Variants in AGL observed in about 807,000 individuals in gnomAD.
The protein encoded by AGL is glycogen debranching enzyme.
Under a neutral mutation model 199.3 loss-of-function variants are expected in AGL, and 128 were observed. That is an observed-to-expected ratio of 0.64 (90% CI 0.56 to 0.74). The LOEUF (loss-of-function observed/expected upper bound fraction) is 0.74, where lower values mean the gene tolerates loss of function less well. AGL is among the 30% of genes least tolerant of loss of function. AGL has a pLI of 0.00. For missense variants in AGL, 1,809 were observed against 1,820.8 expected, an observed-to-expected ratio of 0.99 and a Z score of 0.12; for synonymous variants, 584 against 594.7, an observed-to-expected ratio of 0.98 and a Z score of 0.26.
Position 99,921,591 on chromosome 1 carries a change from C to T in AGL, c.4539C>T (p.Phe1513=), listed in dbSNP as rs752519483. The T allele has an allele frequency of 4.3e-6, 7 of 1,613,022 alleles. No individual in the cohort carries two copies. The highest frequency in any genetic ancestry group is 2.2e-5 in the East Asian group (1 of 44,778). Residue 1513 remains phenylalanine, a synonymous_variant, in exon 34 of 34, where the codon TTC becomes TTT. Coordinates refer to ENST00000361915, the MANE Select transcript of AGL (RefSeq NM_000642.3). ...LTNENAQYCP[F]SCETQAWSIA... is the part of the protein sequence containing the mutation. Reference sequence around the variant, plus strand: ...ATGAGAATGCCCAGTACTGTCCTTTCAGCTGTGAAACACAAGCCTGGTCAA... The same window carrying T: ...ATGAGAATGCCCAGTACTGTCCTTTTAGCTGTGAAACACAAGCCTGGTCAA...
intron 2 of AGL, among the ~76,000 whole-genome samples, chr1:99,859,515 G>A (rs150113354): frequency 0.015 from 2,298 of 151,480 alleles, 34 homozygotes; most frequent in Middle Eastern, 0.088. Context: ...ACATAAATGT[G>A]TACAATGTAA....
intron 7 of AGL, among the ~76,000 whole-genome samples, chr1:99,871,410 G>GCC (rs5776495): frequency 9.9e-5 from 14 of 141,964 alleles, no homozygotes; most frequent in East Asian, 4.5e-4. Flanking sequence ...CAGTTAATGT[G>GCC]CCCCCCCCCC....
chr1:99,875,590 T>C (rs939578743), intron 10 of AGL, 135 bp downstream of exon 10: 2 of 812,322 alleles, frequency 2.5e-6, no homozygotes, highest in Non-Finnish European at 4.0e-6. Context: ...AGTTTTGATT[T>C]GGACATAGGC....
At chr1:99,910,414 T>C (rs1385815583) in intron 27 of AGL, among the ~76,000 whole-genome samples, 1 of 152,188 alleles carries the variant, frequency 6.6e-6, no homozygotes, top group Non-Finnish European at 1.5e-5. Flanking sequence ...TGAGCAGTTA[T>C]TTTTTGTGAA....
At chr1:99,894,543 C>T (rs1653156253) in intron 24 of AGL, among the ~76,000 whole-genome samples, 1 of 152,024 alleles carries the variant, frequency 6.6e-6, no homozygotes, top group Non-Finnish European at 1.5e-5. Context: ...ATATATAAAC[C>T]ATATTAATCA....
intron 5 of AGL, among the ~76,000 whole-genome samples, chr1:99,865,716 A>T (rs1040286483): frequency 3.3e-5 from 5 of 152,260 alleles, no homozygotes; most frequent in African/African-American, 1.2e-4. Flanking sequence ...TCTAGTTGGT[A>T]CAAACATTTA....
At chr1:99,882,337 A>G (rs899180369) in intron 17 of AGL, among the ~76,000 whole-genome samples, 3 of 152,002 alleles carry the variant, frequency 2.0e-5, no homozygotes, top group Admixed American at 1.3e-4. Flanking sequence ...GTGTTAGTGT[A>G]TATGTATATA....
At chr1:99,866,228 G>A (rs1217599394) in intron 5 of AGL, among the ~76,000 whole-genome samples, 6 of 152,190 alleles carry the variant, frequency 3.9e-5, no homozygotes, top group Non-Finnish European at 8.8e-5. Context: ...GTTATAAATT[G>A]TATGAGTTAG....
intron 33 of AGL, among the ~76,000 whole-genome samples, chr1:99,917,734 A>G (rs1387586741): frequency 6.6e-6 from 1 of 152,136 alleles, no homozygotes; most frequent in Non-Finnish European, 1.5e-5. Context: ...TTAGGTTTAT[A>G]GTATATGTCT....
intron 17 of AGL, among the ~76,000 whole-genome samples, chr1:99,882,348 T>G (rs536309464): frequency 6.6e-6 from 1 of 152,308 alleles, no homozygotes; most frequent in African/African-American, 2.4e-5. Flanking sequence ...TATGTATATA[T>G]GTGTATAAAT....
At chr1:99,857,236 C>T (rs1353609899) in intron 2 of AGL, among the ~76,000 whole-genome samples, 2 of 151,662 alleles carry the variant, frequency 1.3e-5, no homozygotes, top group Non-Finnish European at 1.5e-5. Flanking sequence ...AAAGGCGCTC[C>T]CCACATCTCA....
Position 99,864,445 on chromosome 1 carries a change from T to G in AGL, c.520T>G (p.Ser174Ala). ...QTLGLSRSCY[S>A]LANQLELNPD... Reference sequence around the variant, plus strand: ...TCTTGGACTATCTAGGTCATGCTACTCCCTTGCCAATCAGTTAGAATTAAA... The same window carrying G: ...TCTTGGACTATCTAGGTCATGCTACGCCCTTGCCAATCAGTTAGAATTAAA... The change falls in exon 5 of 34, where the codon TCC becomes GCC. Residue 174 changes from serine (S) to alanine (A), a missense_variant. Coordinates refer to ENST00000361915, the MANE Select transcript of AGL (RefSeq NM_000642.3). 1 of 1,613,972 alleles carries G rather than the reference T, an allele frequency of 6.2e-7. No individual in the cohort carries two copies. Among genetic ancestry groups the G allele is most frequent in the Non-Finnish European group, 8.5e-7 (1 of 1,179,908 alleles).
chr1:99,880,647 A>G lies in AGL; in HGVS notation c.1751A>G (p.Tyr584Cys), dbSNP rs1651933980. 5 of 1,614,012 alleles carry G rather than the reference A, an allele frequency of 3.1e-6. No individual in the cohort carries two copies. Among genetic ancestry groups the G allele is most frequent in the Non-Finnish European group, 4.2e-6 (5 of 1,179,898 alleles). The stretch of plus-strand genomic sequence containing the variant: ...TGCTCTGCAGAGGCAATGAGTGCAT[A>G]TAATAGTCATGAAGAGGGCAGATTA... ...SSLIREAMSAYNSHEEGRLVY... is the reference protein window; with the variant it reads ...SSLIREAMSACNSHEEGRLVY... Residue 584 changes from tyrosine (Y) to cysteine (C), a missense_variant, in exon 14 of 34, where the codon TAT (tyrosine) becomes TGT (cysteine). By Grantham distance (194) the Tyr-to-Cys change is radical (BLOSUM62 -2). Transcript: ENST00000361915.
chr1:99,913,023 G>A (rs1375382266), intron 29 of AGL, among the ~76,000 whole-genome samples: 1 of 152,118 alleles, frequency 6.6e-6, no homozygotes, highest in African/African-American at 2.4e-5. Context: ...AGGAGTTTGA[G>A]ACCATCCTGG....
intron 4 of AGL, among the ~76,000 whole-genome samples, chr1:99,862,674 A>G (rs1172062251): frequency 6.6e-6 from 1 of 152,180 alleles, no homozygotes; most frequent in African/African-American, 2.4e-5. Flanking sequence ...CATGTCTTAC[A>G]TGGCCAGAGA....
At chr1:99,869,303 A>T (rs887473856) in intron 5 of AGL, among the ~76,000 whole-genome samples, 4 of 152,208 alleles carry the variant, frequency 2.6e-5, no homozygotes, top group Non-Finnish European at 4.4e-5. Flanking sequence ...TGCTCCTTAC[A>T]TAGCCTTTCT....
Position 99,918,532 on chromosome 1 carries a change from C to T in AGL, c.4481+1801C>T, listed in dbSNP as rs115724307. Among the ~76,000 whole-genome samples the T allele has an allele frequency of 2.7e-3, 409 of 152,164 alleles. 3 individuals carry two copies. Among genetic ancestry groups the T allele is most frequent in the African/African-American group, 9.5e-3 (396 of 41,506 alleles). On this transcript the variant is annotated intron_variant, in intron 33 of 33. Transcript: ENST00000361915. ...GCGACAGGGGTCTTGCTATCTTGCC[C>T]AGGCTGGTCTCGAACTCCTAGGCTC...
Position 99,875,442 on chromosome 1 carries a change from C to A in AGL, c.1270C>A (p.Pro424Thr). The change falls in exon 10 of 34, where the codon CCT becomes ACT. Residue 424 changes from proline to threonine, a missense_variant. Transcript: ENST00000361915. Reference protein sequence around the residue: ...PKLGPVTRKHPLVTRYFTFPF... With the variant: ...PKLGPVTRKHTLVTRYFTFPF... The stretch of plus-strand genomic sequence containing the variant: ...ACTAGGACCTGTCACTAGAAAGCAT[C>A]CTTTAGTTACCAGGTGTTGCATTTT... 1.2e-6 allele frequency: 2 copies of A among 1,613,988 alleles called. No individual in the cohort carries two copies. Among genetic ancestry groups the A allele is most frequent in the Non-Finnish European group, 1.7e-6 (2 of 1,179,950 alleles).
chr1:99,852,736 C>T (rs755093893), intron 2 of AGL: 6 of 780,128 alleles, frequency 7.7e-6, no homozygotes, highest in Admixed American at 1.7e-5. Flanking sequence ...TGTTCTTCTA[C>T]CTTTCTAGGT....
Sources: gnomAD v4.1 joint callset for allele counts (sites outside exome capture counted in the v4.1 genomes callset) on GRCh38, gnomAD v4.1.1 for gene constraint, MANE v1.5 for transcripts, NCBI Gene and HGNC (gene_info 2026-07-23, HGNC 2026-07-21) for gene names.